The following M1AP variants were observed in gnomAD, a reference collection of about 807,000 sequenced individuals.
M1AP encodes meiosis 1 associated protein, also known as meiosis 1 arrest protein.
In M1AP, 39 loss-of-function variants were observed where a neutral mutation model predicts 51.2. The ratio of observed to expected loss-of-function variants is 0.76; its 90% confidence interval spans 0.59 to 1.00. M1AP has a LOEUF of 1.00. M1AP is among the 50% of genes least tolerant of loss of function. M1AP has a pLI of 0.00. For missense variants in M1AP, 545 were observed against 641.2 expected, an observed-to-expected ratio of 0.85 and a Z score of 1.62; for synonymous variants, 251 against 249.2, an observed-to-expected ratio of 1.01 and a Z score of -0.07.
At chr2:74,633,035 C>T (rs1682787891) in intron 2 of M1AP, among the ~76,000 whole-genome samples, 1 of 152,090 alleles carries the variant, frequency 6.6e-6, no homozygotes, top group Non-Finnish European at 1.5e-5. Context: ...TTTCTCTACC[C>T]TATTTTGTGC....
chr2:74,561,142 AAGG>A (rs1677937936), intron 8 of M1AP, among the ~76,000 whole-genome samples: 1 of 21,304 alleles, frequency 4.7e-5, no homozygotes. Context: ...GGAGGAGGAG[AAGG>A]AGGAGGAGAA....
intron 4 of M1AP, among the ~76,000 whole-genome samples, chr2:74,604,282 G>A (rs1183202738): frequency 3.9e-5 from 6 of 152,084 alleles, no homozygotes; most frequent in Non-Finnish European, 7.4e-5. Context: ...TTTTTGAGTG[G>A]CCCTTTTCCT....
intron 7 of M1AP, among the ~76,000 whole-genome samples, chr2:74,567,089 G>A (rs1287716350): frequency 6.6e-6 from 1 of 152,082 alleles, no homozygotes; most frequent in African/African-American, 2.4e-5. Context: ...TATTTTCCTG[G>A]CAATGGATAG....
intron 7 of M1AP, among the ~76,000 whole-genome samples, chr2:74,570,188 C>A (rs544705246): frequency 6.6e-6 from 1 of 152,156 alleles, no homozygotes; most frequent in South Asian, 2.1e-4. Context: ...TGAGGGTAAG[C>A]AAGTTGCCTA....
At chr2:74,637,669 C>A (rs1321694527) in intron 2 of M1AP, among the ~76,000 whole-genome samples, 1 of 152,172 alleles carries the variant, frequency 6.6e-6, no homozygotes, top group Non-Finnish European at 1.5e-5. Flanking sequence ...TGCCCTACTA[C>A]TGAGGCAAGA....
chr2:74,637,427 A>T (rs1000223025), intron 2 of M1AP, among the ~76,000 whole-genome samples: 17 of 152,212 alleles, frequency 1.1e-4, no homozygotes, highest in Non-Finnish European at 2.5e-4. Context: ...TTAATTAATA[A>T]TTTCTTCATA....
At chr2:74,621,748 G>A (rs1398087063) in intron 2 of M1AP, among the ~76,000 whole-genome samples, 8 of 150,448 alleles carry the variant, frequency 5.3e-5, no homozygotes, top group Admixed American at 4.0e-4. Flanking sequence ...AGCCGAGATC[G>A]CGCTACTGCA....
Position 74,615,138 on chromosome 2 carries a change from C to T in M1AP, c.252G>A (p.Gly84=). The change falls in exon 3 of 11, where the codon GGG becomes GGA. Residue 84 remains glycine (G), a synonymous_variant. Transcript: ENST00000421985. The part of the protein sequence containing the change: ...ECILPFVQVK[G]NFARLQTCIS... ...TGCAGGTCTGCAACCTAGCAAAGTT[C>T]CCTTTCACTTGCTGCAGAGAAAAAC... The T allele has an allele frequency of 6.2e-7, 1 of 1,614,048 alleles. No homozygotes were observed. The highest frequency in any genetic ancestry group is 8.5e-7 in the Non-Finnish European group (1 of 1,179,928).
chr2:74,640,325 C>A lies in M1AP; in HGVS notation c.-50G>T, dbSNP rs1394066014. 1 of 1,602,502 alleles carries A rather than the reference C, an allele frequency of 6.2e-7. No homozygotes were observed. The highest frequency in any genetic ancestry group is 1.1e-5 in the South Asian group (1 of 88,958). On this transcript the variant is annotated splice_region_variant and 5_prime_UTR_variant, in exon 2 of 11. Transcript: ENST00000421985. ...GTAGCCACCAGCTGGATATTCTTTA[C>A]ACCTATAGGGAAGGAAAGAGAAACC...
At chr2:74,591,844 G>A (rs550897089) in intron 4 of M1AP, among the ~76,000 whole-genome samples, 1 of 152,178 alleles carries the variant, frequency 6.6e-6, no homozygotes, top group Admixed American at 6.5e-5. Flanking sequence ...GGAGTGCAGT[G>A]GTGTGATCTC....
chr2:74,647,001 T>C (rs1683650628), intron 1 of M1AP, among the ~76,000 whole-genome samples: 1 of 152,164 alleles, frequency 6.6e-6, no homozygotes, highest in Admixed American at 6.5e-5. Context: ...CTAAACAGGC[T>C]CTGACCTTAT....
chr2:74,646,425 G>T (rs975336565), intron 1 of M1AP, among the ~76,000 whole-genome samples: 1 of 152,188 alleles, frequency 6.6e-6, no homozygotes, highest in African/African-American at 2.4e-5. Flanking sequence ...GAGGAATTTA[G>T]TGAAGGCAAA....
intron 1 of M1AP, among the ~76,000 whole-genome samples, chr2:74,641,213 T>G (rs896892604): frequency 2.6e-5 from 4 of 152,356 alleles, no homozygotes; most frequent in South Asian, 2.1e-4. Flanking sequence ...CCTCAAGATT[T>G]TCACGGAAAC....
In M1AP at chr2:74,581,669, T is replaced by G. The variant is rs191296399; in HGVS notation, c.769+5A>C. On this transcript the variant is annotated splice_donor_5th_base_variant and intron_variant, in intron 5 of 10. Transcript: ENST00000421985. ...TAGCCTAAATATCTTTTGGGGATTA[T>G]GTACTTGGATTATCTCTGGGTCTGG... 2.5e-6 allele frequency: 4 copies of G among 1,612,350 alleles called. No individual in the cohort carries two copies. Among genetic ancestry groups the G allele is most frequent in the Non-Finnish European group, 2.5e-6 (3 of 1,178,732 alleles).
At chr2:74,596,586 GAACAACAAC>G (rs202200009) in intron 4 of M1AP, among the ~76,000 whole-genome samples, 9 of 150,690 alleles carry the variant, frequency 6.0e-5, no homozygotes, top group African/African-American at 9.7e-5. Context: ...CATCTCAAAA[GAACAACAAC>G]AACAACAACA....
At chr2:74,608,221 C>T (rs1392999649) in intron 3 of M1AP, among the ~76,000 whole-genome samples, 2 of 152,142 alleles carry the variant, frequency 1.3e-5, no homozygotes, top group African/African-American at 4.8e-5. Flanking sequence ...CCCTAAGAAT[C>T]CTCTCTGCTC....
chr2:74,578,076 G>A lies in M1AP; in HGVS notation c.770-1458C>T, dbSNP rs566431653. Among the ~76,000 whole-genome samples, 94 of 152,286 alleles carry A rather than the reference G, an allele frequency of 6.2e-4. No homozygotes were observed. The South Asian group carries it at 0.019, about 31-fold the overall frequency. ...TCTATGAGAATCTAATGACATAGCCGATCTGACAGGAGGCGGAGCTCAGAT... is the reference window on the plus strand; with the variant it reads ...TCTATGAGAATCTAATGACATAGCCAATCTGACAGGAGGCGGAGCTCAGAT... On this transcript the variant is annotated intron_variant, in intron 5 of 10. Transcript: ENST00000421985.
intron 5 of M1AP, among the ~76,000 whole-genome samples, chr2:74,579,888 A>G (rs1573089277): frequency 6.6e-6 from 1 of 152,272 alleles, no homozygotes; most frequent in East Asian, 1.9e-4. Flanking sequence ...GCTCACTGCA[A>G]CCTTGAACTC....
intron 4 of M1AP, among the ~76,000 whole-genome samples, chr2:74,582,989 C>A (rs1679502824): frequency 6.6e-6 from 1 of 151,932 alleles, no homozygotes; most frequent in African/African-American, 2.4e-5. Flanking sequence ...CCACTGCATT[C>A]CAGCCTGGGC....
Sources: gnomAD v4.1 joint callset for allele counts (sites outside exome capture counted in the v4.1 genomes callset) on GRCh38, gnomAD v4.1.1 for gene constraint, MANE v1.5 for transcripts, NCBI Gene and HGNC (gene_info 2026-07-23, HGNC 2026-07-21) for gene names.